The following ZNF362 variants were observed in gnomAD, a reference collection of about 807,000 sequenced individuals.
The protein encoded by ZNF362 is rotund homolog.
A neutral mutation model predicts 42.9 loss-of-function variants in ZNF362; 11 were observed. That is an observed-to-expected ratio of 0.26 (90% CI 0.16 to 0.42). The LOEUF is 0.42. Ranked by LOEUF, ZNF362 falls within the 20% of genes least tolerant of loss-of-function variation. The probability of loss-of-function intolerance (pLI) is 1.00; values close to 1 mark genes in which losing one functional copy is unlikely to be tolerated. For missense variants in ZNF362, 362 were observed against 576.2 expected (o/e 0.63, Z 3.81); for synonymous variants, 255 against 257.3 (o/e 0.99, Z 0.09).
At chr1:33,243,348 T>G in the ZNF362 span, among the ~76,000 whole-genome samples, 1 of 151,788 alleles carries the variant, frequency 6.6e-6, no homozygotes, top group Non-Finnish European at 1.5e-5. Flanking sequence ...GGCTAATTTT[T>G]GTATTTTTTT....
chr1:33,203,454 G>C, the ZNF362 span, among the ~76,000 whole-genome samples: 36 of 152,278 alleles, frequency 2.4e-4, no homozygotes, highest in African/African-American at 8.4e-4. Context: ...ACGTTTCTAT[G>C]AGATGATGAT....
At chr1:33,275,074 C>G (rs1645933522) in intron 2 of ZNF362, 4 of 985,390 alleles carry the variant, frequency 4.1e-6, no homozygotes, top group Non-Finnish European at 3.6e-6. Flanking sequence ...TCAAAATAAA[C>G]AATTTCATTT....
intron 4 of ZNF362, among the ~76,000 whole-genome samples, chr1:33,276,823 A>C (rs889470680): frequency 2.0e-5 from 3 of 152,252 alleles, no homozygotes; most frequent in Non-Finnish European, 4.4e-5. Flanking sequence ...TGGACACGAC[A>C]GGAGCCGGTC....
chr1:33,153,529 T>A, the ZNF362 span, among the ~76,000 whole-genome samples: 1 of 152,180 alleles, frequency 6.6e-6, no homozygotes, highest in African/African-American at 2.4e-5. Context: ...CCACTAAACA[T>A]CCTGCAGAGC....
At chr1:33,138,742 G>A in the ZNF362 span, among the ~76,000 whole-genome samples, 5 of 150,868 alleles carry the variant, frequency 3.3e-5, no homozygotes, top group African/African-American at 7.3e-5. Flanking sequence ...TTTGTGTCTT[G>A]TGTATTTTCC....
the ZNF362 span, among the ~76,000 whole-genome samples, chr1:33,173,735 A>G: frequency 4.0e-5 from 6 of 149,554 alleles, no homozygotes; most frequent in Admixed American, 2.0e-4. Context: ...GGCTCACTCT[A>G]TCACCTAGGC....
At chr1:33,187,835 G>A in the ZNF362 span, among the ~76,000 whole-genome samples, 1 of 152,198 alleles carries the variant, frequency 6.6e-6, no homozygotes, top group Admixed American at 6.5e-5. Flanking sequence ...TGGGTCATTG[G>A]GAATAAAGGT....
chr1:33,185,738 C>G, the ZNF362 span, among the ~76,000 whole-genome samples: 1 of 150,616 alleles, frequency 6.6e-6, no homozygotes, highest in East Asian at 2.0e-4. Flanking sequence ...CCATCTGCTT[C>G]CATTCATACT....
chr1:33,255,156 C>T (rs1000476932), upstream of ZNF362, among the ~76,000 whole-genome samples: 3 of 152,244 alleles, frequency 2.0e-5, no homozygotes, highest in African/African-American at 7.2e-5. Flanking sequence ...TGGGCCCTGT[C>T]TTCGAGTTGC....
At chr1:33,226,027 A>G in the ZNF362 span, among the ~76,000 whole-genome samples, 1 of 152,222 alleles carries the variant, frequency 6.6e-6, no homozygotes, top group East Asian at 1.9e-4. Flanking sequence ...ATTGGTTTAG[A>G]CTGATTATGA....
the ZNF362 span, among the ~76,000 whole-genome samples, chr1:33,177,067 GCA>G: frequency 1.2e-4 from 18 of 150,758 alleles, no homozygotes; most frequent in Admixed American, 2.6e-4. This position sits in a 1 kb window ranked among gnomAD's most constrained non-coding sequence, Gnocchi z 4.1. Flanking sequence ...ACACACACAT[GCA>G]CACACACACA....
chr1:33,165,371 G>T, the ZNF362 span: 1 of 1,127,920 alleles, frequency 8.9e-7, no homozygotes. This position sits in a 1 kb window ranked among gnomAD's most constrained non-coding sequence, Gnocchi z 4.0. Flanking sequence ...GGTTTCCACC[G>T]CACACCCGAG....
chr1:33,147,330 G>A, the ZNF362 span: 92 of 1,614,114 alleles, frequency 5.7e-5, no homozygotes, highest in Non-Finnish European at 7.5e-5. This position sits in a 1 kb window ranked among gnomAD's most constrained non-coding sequence, Gnocchi z 8.1. Context: ...AGATGAGCAA[G>A]CCTTGGTCAT....
chr1:33,291,760 G>A (rs943136683), intron 6 of ZNF362, among the ~76,000 whole-genome samples: 8 of 152,186 alleles, frequency 5.3e-5, no homozygotes, highest in Non-Finnish European at 1.0e-4. Flanking sequence ...GCACTGGTTT[G>A]TAGTTCTCCT....
rs146550972 is a variant in ZNF362 at position 33,290,018 on chromosome 1, G to C, written c.909-4919G>C. ...GTGTTCCTGGTAGAGGGAACAGCTT[G>C]GATAAAGGATTGGAGGTGGGCAAGG... is the stretch of plus-strand genomic sequence containing the variant. On this transcript the variant is annotated intron_variant, in intron 6 of 8. Coordinates refer to ENST00000539719, the MANE Select transcript of ZNF362 (RefSeq NM_152493.3). Among the ~76,000 whole-genome samples, 17 of 152,270 alleles carry C rather than the reference G, an allele frequency of 1.1e-4. No homozygotes were observed. In the East Asian group the frequency reaches 3.3e-3, roughly 29 times the overall value.
the ZNF362 span, among the ~76,000 whole-genome samples, chr1:33,189,720 C>CATATATAT: frequency 1.2e-5 from 1 of 83,898 alleles, no homozygotes; most frequent in Non-Finnish European, 2.4e-5. Flanking sequence ...TATATATATA[C>CATATATAT]ATACACACAT....
At chr1:33,138,926 A>G in the ZNF362 span, among the ~76,000 whole-genome samples, 1 of 152,242 alleles carries the variant, frequency 6.6e-6, no homozygotes, top group Non-Finnish European at 1.5e-5. Flanking sequence ...CAGAACACAT[A>G]GAAAGATGGA....
chr1:33,181,214 C>G, the ZNF362 span: 2 of 1,579,704 alleles, frequency 1.3e-6, no homozygotes, highest in Middle Eastern at 1.7e-4. This position sits in a 1 kb window ranked among gnomAD's most constrained non-coding sequence, Gnocchi z 6.5. Flanking sequence ...AGCTGTAGCG[C>G]TCCACGATGT....
chr1:33,170,511 G>A, the ZNF362 span, among the ~76,000 whole-genome samples: 13 of 152,166 alleles, frequency 8.5e-5, no homozygotes, highest in African/African-American at 2.4e-4. Context: ...CCCTGGCCTC[G>A]CTGAGTCTTC....
Sources: allele counts gnomAD v4.1 joint callset (sites outside exome capture counted in the v4.1 genomes callset), GRCh38; gene constraint gnomAD v4.1.1; non-coding constraint Gnocchi (gnomAD v3.1); transcripts MANE v1.5; gene names NCBI Gene and HGNC (gene_info 2026-07-23, HGNC 2026-07-21).